The following CUL4B variants were observed in gnomAD, a reference collection of about 807,000 sequenced individuals.
The protein encoded by CUL4B is cullin 4B, also known as cullin-4B.
In CUL4B, 1 loss-of-function variant was observed where a neutral mutation model predicts 69.2. The ratio of observed to expected loss-of-function variants is 0.01; its 90% CI spans 0.01 to 0.07. CUL4B has a LOEUF of 0.07. CUL4B is among the 10% of genes least tolerant of loss of function. CUL4B has a pLI of 1.00. For missense variants in CUL4B, 328 were observed against 638.8 expected, an observed-to-expected ratio of 0.51 and a Z score of 5.24; for synonymous variants, 237 against 223.2, an observed-to-expected ratio of 1.06 and a Z score of -0.55.
chrX:120,543,680 G>T, intron 8 of CUL4B, 47 bp downstream of exon 8: 1 of 926,671 alleles, frequency 1.1e-6, no homozygotes, highest in South Asian at 2.0e-5. Flanking sequence ...TGCTGCAAGT[G>T]ATTTAACGAC....
downstream of CUL4B, among the ~76,000 whole-genome samples, chrX:120,570,023 C>T (rs920059656): frequency 2.7e-5 from 3 of 111,678 alleles, no homozygotes; most frequent in Admixed American, 2.9e-4. Context: ...CTCTGAAGAG[C>T]TAATGAAGGA....
upstream of CUL4B, among the ~76,000 whole-genome samples, chrX:120,563,473 G>C (rs1239823068): frequency 9.0e-6 from 1 of 111,679 alleles, no homozygotes; most frequent in African/African-American, 3.3e-5. Flanking sequence ...CTGGCCTCAA[G>C]TGATCCGCCT....
At chrX:120,548,982 G>GT (rs1266730705) in intron 2 of CUL4B, among the ~76,000 whole-genome samples, 4 of 112,245 alleles carry the variant, frequency 3.6e-5, no homozygotes, top group East Asian at 2.8e-4. Context: ...TCAGATTTCC[G>GT]TAAGTTTCCT....
intron 9 of CUL4B, 148 bp downstream of exon 9, chrX:120,542,818 T>G: frequency 2.2e-6 from 1 of 448,908 alleles, no homozygotes; most frequent in South Asian, 3.5e-5. Context: ...CTCCAGGAAG[T>G]TTACTGTGAT....
upstream of CUL4B, among the ~76,000 whole-genome samples, chrX:120,563,154 C>T (rs994069020): frequency 1.8e-5 from 2 of 112,179 alleles, no homozygotes; most frequent in Non-Finnish European, 1.9e-5. Context: ...AACTTAGAAC[C>T]GCTGAGAAGG....
Position 120,557,903 on chromosome X carries a change from G to A in CUL4B, c.672+21C>T, listed in dbSNP as rs1383600971. ...CCTCAATTTATGTTAATCAAATCTG[G>A]TTATGCATATTAATACATACCTGGT... On this transcript the variant is annotated intron_variant, in intron 2 of 19. Transcript: ENST00000371322. 9.9e-6 allele frequency: 10 copies of A among 1,010,829 alleles called. No individual in the cohort carries two copies. In the South Asian group the frequency reaches 2.0e-4, roughly 20 times the overall value. 83.3% of individuals were successfully genotyped at this position (1,010,829 alleles called of 1,213,427 possible).
In CUL4B at chrX:120,532,509, A is replaced by T; in HGVS notation, c.2352T>A (p.Ile784=). The change falls in exon 18 of 20, where the codon ATT becomes ATA. Residue 784 remains isoleucine, a synonymous_variant. Transcript: ENST00000371322. The part of the protein sequence containing the change: ...VLAKNPKGKD[I]EDGDKFICND... ...TACAAATGAACTTGTCACCATCTTC[A>T]ATGTCTTTGCCCTTTGGATTTTTCG... 3 of 1,207,109 alleles carry T rather than the reference A, an allele frequency of 2.5e-6. No individual in the cohort carries two copies. The highest frequency in any genetic ancestry group is 3.4e-6 in the Non-Finnish European group (3 of 891,758).
chrX:120,529,372 T>C lies in CUL4B; in HGVS notation c.2592+730A>G, dbSNP rs567282410. On this transcript the variant is annotated intron_variant, in intron 19 of 19. Coordinates refer to ENST00000371322, the MANE Select transcript of CUL4B (RefSeq NM_001079872.2). ...AATCCTACAAGGTAAGTACTATTATTATCTCAGTTTTACAAAAGAGGAAAC... is the reference window on the plus strand; with the variant it reads ...AATCCTACAAGGTAAGTACTATTATCATCTCAGTTTTACAAAAGAGGAAAC... Among the ~76,000 whole-genome samples, 5 of 111,916 alleles carry C rather than the reference T, an allele frequency of 4.5e-5. No individual in the cohort carries two copies. The South Asian group carries it at 1.1e-3, about 25-fold the overall frequency.
downstream of CUL4B, among the ~76,000 whole-genome samples, chrX:120,570,898 T>C (rs1418878467): frequency 3.6e-5 from 4 of 110,677 alleles, no homozygotes; most frequent in Non-Finnish European, 7.6e-5. Context: ...TATTAAAGTA[T>C]AGAAGGAAAA....
intron 1 of CUL4B, chrX:120,559,778 C>T: frequency 9.3e-7 from 1 of 1,069,623 alleles, no homozygotes; most frequent in Non-Finnish European, 1.2e-6. Flanking sequence ...AAATTTCTCA[C>T]CTGCAAAATC....
chrX:120,546,575 C>G lies in CUL4B; in HGVS notation c.818G>C (p.Arg273Thr). 8.3e-7 allele frequency: 1 copy of G among 1,205,182 alleles called. No homozygotes were observed. The highest frequency in any genetic ancestry group is 1.1e-6 in the Non-Finnish European group (1 of 890,283). The change falls in exon 4 of 20, where the codon AGA becomes ACA. Residue 273 changes from arginine (R) to threonine (T), a missense_variant. Transcript: ENST00000371322. ...TTGTCTGCAATGGTTTTGCCAGCAT[C>G]TATCAATCTTCTTTAAAAAAAGAAC... ...DSVLFLKKID[R>T]CWQNHCRQMI...
At chrX:120,568,905 C>T (rs138702339), downstream of CUL4B, among the ~76,000 whole-genome samples, 269 of 111,847 alleles carry the variant, frequency 2.4e-3, no homozygotes, top group African/African-American at 8.2e-3. Flanking sequence ...AAAATAGTCT[C>T]AAGTAGTAGA....
rs938060999 is a variant in CUL4B at position 120,538,587 on chromosome X, G to A, written c.1852+73C>T. ...GACATGAGTGACAAAAGAGGAAATC[G>A]ATTGAAAGGGTAAAAAGCTAACATT... is the stretch of plus-strand genomic sequence containing the variant. On this transcript the variant is annotated intron_variant, in intron 13 of 19. Coordinates refer to ENST00000371322, the MANE Select transcript of CUL4B (RefSeq NM_001079872.2). 7.1e-6 allele frequency: 5 copies of A among 705,044 alleles called. No individual in the cohort carries two copies. The South Asian group carries it at 8.7e-5, about 12-fold the overall frequency. 58.1% of individuals were successfully genotyped at this position (705,044 alleles called of 1,213,427 possible).
rs1215890147 is a variant in CUL4B at position 120,524,791 on chromosome X, C to T, written c.*1970G>A. 1.8e-5 allele frequency: 2 copies of T among 110,817 alleles called. No homozygotes were observed. The highest frequency in any genetic ancestry group is 3.8e-5 in the Non-Finnish European group (2 of 52,808). The allele number at this position is 110,817 out of a possible 1,213,427, so 9.1% of individuals were successfully genotyped here. A position where few individuals can be genotyped will look rare whatever the true frequency, so the allele number is the denominator to read the frequency against. ...CAACTTTTTTTTTTTAACAGTCTTG[C>T]TAATTTTTCAGCTGAAACAGCATCA... On this transcript the variant is annotated 3_prime_UTR_variant, in exon 20 of 20. Coordinates refer to ENST00000371322, the MANE Select transcript of CUL4B (RefSeq NM_001079872.2).
At chrX:120,543,877 A>C in intron 7 of CUL4B, 68 bp from the exon 8 acceptor site, 1 of 803,154 alleles carries the variant, frequency 1.2e-6, no homozygotes, top group Non-Finnish European at 1.9e-6. Flanking sequence ...TCAAGTCCAA[A>C]AGATCCTGGA....
chrX:120,538,547 C>T, intron 13 of CUL4B, 113 bp downstream of exon 13: 1 of 557,386 alleles, frequency 1.8e-6, no homozygotes. Flanking sequence ...TTTATGTTTT[C>T]ATCATATATA....
chrX:120,564,586 A>G (rs1323229326), upstream of CUL4B, among the ~76,000 whole-genome samples: 1 of 112,230 alleles, frequency 8.9e-6, no homozygotes, highest in Non-Finnish European at 1.9e-5. Flanking sequence ...TGCCTGGGCA[A>G]CAGAGAAAGA....
chrX:120,528,356 G>A (rs1016122987), intron 19 of CUL4B, among the ~76,000 whole-genome samples: 6 of 104,763 alleles, frequency 5.7e-5, no homozygotes, highest in Admixed American at 1.0e-4. Flanking sequence ...GTAGTGAAAC[G>A]TGATCGCGCC....
chrX:120,566,369 A>ATG (rs1187917327), upstream of CUL4B, among the ~76,000 whole-genome samples: 406 of 56,459 alleles, frequency 7.2e-3, 18 homozygotes, highest in African/African-American at 0.02. Flanking sequence ...ATATATATAT[A>ATG]TATATATATA....
Sources: allele counts gnomAD v4.1 joint callset (sites outside exome capture counted in the v4.1 genomes callset), GRCh38; gene constraint gnomAD v4.1.1; transcripts MANE v1.5; gene names NCBI Gene and HGNC (gene_info 2026-07-23, HGNC 2026-07-21).